The following NR2F1-AS1 variants were observed in gnomAD, a reference collection of about 807,000 sequenced individuals.
NR2F1-AS1 encodes NR2F1 regulatory antisense RNA 1, also known as NR2F1 antisense RNA 1.
chr5:93,563,602 TGAAA>T (rs999820995), intron 1 of NR2F1-AS1: 2 of 152,006 alleles, frequency 1.3e-5, no homozygotes, highest in Non-Finnish European at 2.9e-5. Context: ...CAGACAGAAA[TGAAA>T]GAAAGTATAT....
At chr5:93,531,645 C>G (rs1458805676) in intron 4 of NR2F1-AS1, among the ~76,000 whole-genome samples, 1 of 152,142 alleles carries the variant, frequency 6.6e-6, no homozygotes, top group Non-Finnish European at 1.5e-5. Context: ...TTCATTGTCT[C>G]TCAACTTTCT....
chr5:93,419,428 G>A (rs914914737), intron 4 of NR2F1-AS1, among the ~76,000 whole-genome samples: 2 of 152,274 alleles, frequency 1.3e-5, no homozygotes, highest in East Asian at 3.9e-4. Context: ...GCACAGTGGC[G>A]TGCACCTGCA....
At chr5:93,492,339 T>C (rs1451325224) in intron 4 of NR2F1-AS1, among the ~76,000 whole-genome samples, 1 of 152,202 alleles carries the variant, frequency 6.6e-6, no homozygotes, top group East Asian at 1.9e-4. Context: ...CTGTGCTACA[T>C]GGCTTCACTG....
intron 4 of NR2F1-AS1, among the ~76,000 whole-genome samples, chr5:93,547,572 C>G (rs1049225667): frequency 1.3e-5 from 2 of 152,082 alleles, no homozygotes; most frequent in African/African-American, 4.8e-5. Flanking sequence ...ACAAAATACA[C>G]TTATGCTATT....
At chr5:93,509,254 G>A (rs1218481802) in intron 4 of NR2F1-AS1, among the ~76,000 whole-genome samples, 1 of 152,046 alleles carries the variant, frequency 6.6e-6, no homozygotes, top group Non-Finnish European at 1.5e-5. Flanking sequence ...TTTATGTTAA[G>A]TTTAAGAATA....
chr5:93,562,183 C>CAAAAAAAAAAAAAAAAAAAAA (rs750644394), intron 2 of NR2F1-AS1, among the ~76,000 whole-genome samples: 1 of 50,646 alleles, frequency 2.0e-5, no homozygotes, highest in Admixed American at 2.1e-4. Context: ...CCCATCTCTA[C>CAAAAAAAAAAAAAAAAAAAAA]AAAAAAAAAA....
At chr5:93,561,880 A>G (rs1482228149) in intron 2 of NR2F1-AS1, among the ~76,000 whole-genome samples, 3 of 152,192 alleles carry the variant, frequency 2.0e-5, no homozygotes, top group Non-Finnish European at 4.4e-5. Flanking sequence ...AGACTTTGTT[A>G]GCTGAGTTTT....
chr5:93,581,671 T>G (rs1024339536), upstream of NR2F1-AS1, among the ~76,000 whole-genome samples: 18 of 14,672 alleles, frequency 1.2e-3, no homozygotes, highest in Non-Finnish European at 2.5e-3. Context: ...GGTCTCGGTC[T>G]CTCTCTCTCT....
At chr5:93,504,803 T>C (rs917330743) in intron 4 of NR2F1-AS1, among the ~76,000 whole-genome samples, 4 of 151,986 alleles carry the variant, frequency 2.6e-5, no homozygotes, top group African/African-American at 9.7e-5. Context: ...CCTCCCACAA[T>C]ACATGGGAAT....
chr5:93,464,978 C>T (rs560186706), intron 4 of NR2F1-AS1, among the ~76,000 whole-genome samples: 1 of 152,346 alleles, frequency 6.6e-6, no homozygotes, highest in African/African-American at 2.4e-5. Context: ...TCTCCCATTC[C>T]TACAGTGGTA....
chr5:93,463,948 G>A (rs1449072057), intron 4 of NR2F1-AS1, among the ~76,000 whole-genome samples: 1 of 152,152 alleles, frequency 6.6e-6, no homozygotes, highest in Admixed American at 6.5e-5. Context: ...TTTAAATGGT[G>A]GACTTTTGAG....
In NR2F1-AS1 at chr5:93,486,514, G is replaced by A. The variant is rs184509014; in HGVS notation, n.638+67247C>T. 1.8e-3 allele frequency among the ~76,000 whole-genome samples: 276 copies of A among 152,094 alleles called. 1 individual carries two copies. The highest frequency in any genetic ancestry group is 2.8e-3 in the Non-Finnish European group (189 of 67,986). ...TCTAGAAGAAATGGATAAATTCCTC[G>A]ACACATACACCCTCCCAAGACTAAA... On this transcript the variant is annotated intron_variant and non_coding_transcript_variant, in intron 4 of 5. Coordinates refer to ENST00000660523, the Ensembl canonical transcript of NR2F1-AS1.
rs1750577517 is a variant in NR2F1-AS1, at chr5:93,480,468, T to C, written n.638+73293A>G. On this transcript the variant is annotated intron_variant and non_coding_transcript_variant, in intron 4 of 5. Coordinates refer to ENST00000660523, the Ensembl canonical transcript of NR2F1-AS1. Reference sequence around the variant, plus strand: ...AAGACACTGCCAGATAAAAGTTCACTGACAGACTTGCTCTACAAGAAATGT... The same window carrying C: ...AAGACACTGCCAGATAAAAGTTCACCGACAGACTTGCTCTACAAGAAATGT... Among the ~76,000 whole-genome samples, 7 of 152,012 alleles carry C rather than the reference T, an allele frequency of 4.6e-5. No individual in the cohort carries two copies. In the South Asian group the frequency reaches 1.4e-3, roughly 31 times the overall value.
intron 4 of NR2F1-AS1, among the ~76,000 whole-genome samples, chr5:93,441,464 G>C (rs1405878312): frequency 6.6e-6 from 1 of 152,180 alleles, no homozygotes; most frequent in Admixed American, 6.5e-5. Context: ...GATCCCAACA[G>C]TGCAAACAGC....
intron 2 of NR2F1-AS1, among the ~76,000 whole-genome samples, chr5:93,557,847 C>G (rs1752396132): frequency 6.6e-6 from 1 of 152,124 alleles, no homozygotes; most frequent in Non-Finnish European, 1.5e-5. Context: ...GGAGTCAATC[C>G]CTTCAAACCC....
At chr5:93,536,574 G>C (rs1019541820) in intron 4 of NR2F1-AS1, among the ~76,000 whole-genome samples, 3 of 152,070 alleles carry the variant, frequency 2.0e-5, no homozygotes, top group African/African-American at 7.2e-5. Context: ...CATGGTACTG[G>C]CATAAAAATA....
intron 4 of NR2F1-AS1, among the ~76,000 whole-genome samples, chr5:93,458,894 C>A (rs1291268983): frequency 2.0e-5 from 3 of 151,888 alleles, no homozygotes; most frequent in African/African-American, 7.3e-5. Flanking sequence ...TACCTGTAAT[C>A]CCAGCTACTC....
intron 4 of NR2F1-AS1, among the ~76,000 whole-genome samples, chr5:93,521,296 G>A (rs1751497077): frequency 6.6e-6 from 1 of 152,006 alleles, no homozygotes; most frequent in South Asian, 2.1e-4. Context: ...TACCATCCTG[G>A]ACATAGGAAA....
chr5:93,521,267 T>C (rs1402875912), intron 4 of NR2F1-AS1, among the ~76,000 whole-genome samples: 1 of 152,116 alleles, frequency 6.6e-6, no homozygotes, highest in Non-Finnish European at 1.5e-5. Context: ...ATAAAAATCC[T>C]GTAAGACAAT....
Sources: gnomAD v4.1 joint callset for allele counts (sites outside exome capture counted in the v4.1 genomes callset) on GRCh38, gnomAD v4.1.1 for gene constraint, MANE v1.5 for transcripts, NCBI Gene and HGNC (gene_info 2026-07-23, HGNC 2026-07-21) for gene names.